DUSP22: variants seen among roughly 807,000 people sequenced by gnomAD.
DUSP22 encodes dual specificity phosphatase 22.
Under a neutral mutation model 24.5 loss-of-function variants are expected in DUSP22, and 24 were observed. That is an observed-to-expected ratio of 0.98 (90% CI 0.71 to 1.38). The LOEUF is 1.38. DUSP22 is among the 40% of genes most tolerant of loss of function. The probability of loss-of-function intolerance (pLI) is 0.00; values close to 1 mark genes in which losing one functional copy is unlikely to be tolerated. For synonymous variants in DUSP22, 160 were observed against 106.4 expected (o/e 1.50, Z -3.10); for missense variants, 330 against 269.2 (o/e 1.23, Z -1.58).
chr6:323,134 T>A (rs2127405153), intron 3 of DUSP22, among the ~76,000 whole-genome samples: 1 of 152,424 alleles, frequency 6.6e-6, no homozygotes, highest in Non-Finnish European at 1.5e-5. Context: ...ACCTAGCTAG[T>A]TTCATCACCT....
chr6:337,591 A>G (rs1759414808), intron 4 of DUSP22, among the ~76,000 whole-genome samples: 1 of 152,294 alleles, frequency 6.6e-6, no homozygotes, highest in Non-Finnish European at 1.5e-5. Flanking sequence ...AATTCCAGTC[A>G]CCTTTGGTGC....
chr6:327,532 T>C (rs1758936170), intron 3 of DUSP22, among the ~76,000 whole-genome samples: 1 of 152,308 alleles, frequency 6.6e-6, no homozygotes, highest in Admixed American at 6.5e-5. Flanking sequence ...AGGAGACTGA[T>C]AGATGATGAC....
At position 312,759 on chromosome 6, in the gene DUSP22, T is replaced by G. The variant is rs561889280; in HGVS notation, c.138+797T>G. The stretch of plus-strand genomic sequence containing the variant: ...TTATATTAGGCAAGAGTAGGTAATG[T>G]TTTTTATTTCAAATGTATCTATTTT... On this transcript the variant is annotated intron_variant, in intron 3 of 6. Coordinates refer to ENST00000419235, the MANE Select transcript of DUSP22 (RefSeq NM_001286555.3). 7.2e-5 allele frequency among the ~76,000 whole-genome samples: 11 copies of G among 152,416 alleles called. No homozygotes were observed. The East Asian group carries it at 2.1e-3, about 29-fold the overall frequency.
Position 348,927 on chromosome 6 carries a change from C to A in DUSP22, c.594C>A (p.Tyr198Ter), listed in dbSNP as rs780293262. The change falls in exon 7 of 7, where the codon TAC becomes TAA. Residue 198 changes from tyrosine (Y) to a stop codon, truncating the protein, a stop_gained. Transcript: ENST00000419235. LOFTEE classifies it high-confidence loss of function. ...SSFPALAPLT[Y>*]DNYTTET Reference sequence around the variant, plus strand: ...TTCCGGCACTGGCTCCGCTGACCTACGATAATTATACGACGGAGACCTAAC... The same window carrying A: ...TTCCGGCACTGGCTCCGCTGACCTAAGATAATTATACGACGGAGACCTAAC... The A allele has an allele frequency of 8.7e-6, 14 of 1,609,790 alleles. No individual in the cohort carries two copies. Among genetic ancestry groups the A allele is most frequent in the Non-Finnish European group, 1.0e-5 (12 of 1,177,748 alleles).
chr6:299,548 A>T (rs1200339769), intron 1 of DUSP22, among the ~76,000 whole-genome samples: 1 of 152,306 alleles, frequency 6.6e-6, no homozygotes, highest in East Asian at 1.9e-4. Context: ...TCATACTGTG[A>T]CTACAGAGAG....
At chr6:335,052 T>C in intron 3 of DUSP22, 62 bp from the exon 4 acceptor site, 1 of 1,565,460 alleles carries the variant, frequency 6.4e-7, no homozygotes, top group South Asian at 1.1e-5. Flanking sequence ...GTTCCTTAAA[T>C]ACTTTTCTCC....
intron 2 of DUSP22, among the ~76,000 whole-genome samples, chr6:307,099 T>C (rs1184157728): frequency 1.3e-5 from 2 of 152,300 alleles, no homozygotes; most frequent in South Asian, 2.1e-4. Flanking sequence ...GTGGCCTCTT[T>C]CTTTTTTCCT....
At chr6:318,928 G>A (rs1159111110) in intron 3 of DUSP22, among the ~76,000 whole-genome samples, 2 of 152,302 alleles carry the variant, frequency 1.3e-5, no homozygotes, top group East Asian at 3.8e-4. Flanking sequence ...TTAAGAAAAG[G>A]AAGCAAGTTA....
At chr6:343,820 C>T (rs1759730292) in intron 4 of DUSP22, among the ~76,000 whole-genome samples, 1 of 152,306 alleles carries the variant, frequency 6.6e-6, no homozygotes, top group South Asian at 2.1e-4. Flanking sequence ...GTTTGTTAGG[C>T]CGTGCCTGAA....
chr6:345,227 T>TA (rs1325527226), intron 4 of DUSP22, among the ~76,000 whole-genome samples: 5 of 150,076 alleles, frequency 3.3e-5, no homozygotes, highest in Non-Finnish European at 7.5e-5. Context: ...TTTCTTTCTT[T>TA]TTTTTTTTTT....
At chr6:314,252 C>G (rs901190522) in intron 3 of DUSP22, among the ~76,000 whole-genome samples, 5 of 152,288 alleles carry the variant, frequency 3.3e-5, no homozygotes, top group East Asian at 1.9e-4. Flanking sequence ...ATTTATTTCC[C>G]GAGATCTTCA....
intron 4 of DUSP22, among the ~76,000 whole-genome samples, chr6:345,263 GCA>G (rs1270446093): frequency 6.6e-6 from 1 of 150,592 alleles, no homozygotes; most frequent in Non-Finnish European, 1.5e-5. Flanking sequence ...AGGCTGGAGT[GCA>G]GTCGTGTGAT....
At chr6:337,103 C>T (rs1333734777) in intron 4 of DUSP22, 1 of 152,600 alleles carries the variant, frequency 6.6e-6, no homozygotes, top group African/African-American at 2.4e-5. Flanking sequence ...CCCAGTGCTT[C>T]TCAGCTTTGC....
chr6:347,776 T>G (rs1179791164), intron 5 of DUSP22, among the ~76,000 whole-genome samples: 5 of 152,302 alleles, frequency 3.3e-5, no homozygotes, highest in African/African-American at 1.2e-4. Context: ...TTGGAGTACC[T>G]CAGTTATGTC....
intron 2 of DUSP22, among the ~76,000 whole-genome samples, chr6:310,937 A>G (rs1261969803): frequency 6.6e-6 from 1 of 152,310 alleles, no homozygotes; most frequent in Admixed American, 6.5e-5. Context: ...CCTAAAAGGA[A>G]GAAGCTGAGG....
At chr6:292,721 G>C (rs1757145892) in intron 1 of DUSP22, among the ~76,000 whole-genome samples, 161 bp downstream of exon 1, 1 of 152,278 alleles carries the variant, frequency 6.6e-6, no homozygotes, top group African/African-American at 2.4e-5. Context: ...CCGCGGAGTC[G>C]GGGTTCGGAG....
chr6:305,653 G>A (rs940299503), intron 2 of DUSP22, among the ~76,000 whole-genome samples: 5 of 152,306 alleles, frequency 3.3e-5, no homozygotes, highest in Non-Finnish European at 7.3e-5. Context: ...TCCAGGGAGG[G>A]GCCAAGTCCC....
chr6:336,283 C>T (rs1219703036), intron 4 of DUSP22, among the ~76,000 whole-genome samples: 1 of 152,308 alleles, frequency 6.6e-6, no homozygotes, highest in Non-Finnish European at 1.5e-5. Context: ...TGTGTTACTG[C>T]ATGTCACAGG....
chr6:296,527 C>T (rs560881664), intron 1 of DUSP22, among the ~76,000 whole-genome samples: 9 of 152,414 alleles, frequency 5.9e-5, no homozygotes, highest in African/African-American at 1.9e-4. Context: ...CAGGGTGTTG[C>T]ATGCAAATGT....
Sources: allele counts gnomAD v4.1 joint callset (sites outside exome capture counted in the v4.1 genomes callset), GRCh38; gene constraint gnomAD v4.1.1; transcripts MANE v1.5; gene names NCBI Gene and HGNC (gene_info 2026-07-23, HGNC 2026-07-21).